The following SSBP1 variants were observed in gnomAD, a reference collection of about 807,000 sequenced individuals.
The protein encoded by SSBP1 is single stranded DNA binding protein 1.
Under a neutral mutation model 27.0 loss-of-function variants are expected in SSBP1, and 20 were observed. The observed-to-expected ratio is 0.74, with a 90% CI of 0.52 to 1.08. The LOEUF (loss-of-function observed/expected upper bound fraction) is 1.08, where lower values mean the gene tolerates loss of function less well. Ranked by LOEUF, SSBP1 falls within the 50% of genes least tolerant of loss-of-function variation. SSBP1 has a pLI of 0.00. For missense variants in SSBP1, 137 were observed against 182.4 expected (o/e 0.75, Z 1.44); for synonymous variants, 59 against 59.3 (o/e 1.00, Z 0.02).
chr7:141,750,360 A>G lies in SSBP1; in HGVS notation c.*6A>G. On this transcript the variant is annotated 3_prime_UTR_variant, in exon 7 of 7. Transcript: ENST00000265304. ...AGACGAAAGAGAAGGAGTAGAAAGG[A>G]TGATTCTTCTTTGGCCATCATTTGG... is the stretch of plus-strand genomic sequence containing the variant. The G allele has an allele frequency of 6.3e-7, 1 of 1,597,744 alleles. No homozygotes were observed. Among genetic ancestry groups the G allele is most frequent in the South Asian group, 1.1e-5 (1 of 88,034 alleles).
intron 3 of SSBP1, among the ~76,000 whole-genome samples, chr7:141,742,779 G>C (rs572239692): frequency 6.6e-5 from 10 of 152,278 alleles, no homozygotes; most frequent in African/African-American, 9.6e-5. Context: ...CAGAACTTGG[G>C]TTTTACTTAA....
In SSBP1 at chr7:141,743,515, C is replaced by G. The variant is rs912653655; in HGVS notation, c.86-46C>G. 9 of 1,595,732 alleles carry G rather than the reference C, an allele frequency of 5.6e-6. No individual in the cohort carries two copies. The African/African-American group carries it at 1.2e-4, about 21-fold the overall frequency. On this transcript the variant is annotated intron_variant, in intron 3 of 6. Coordinates refer to ENST00000265304, the MANE Select transcript of SSBP1 (RefSeq NM_003143.3). The stretch of plus-strand genomic sequence containing the variant: ...TTTTGGGGGAAGGGGCACAACTATT[C>G]AGTCTATAGCAGGTTGTCTCATTTG...
intron 5 of SSBP1, 65 bp downstream of exon 5, chr7:141,744,054 A>G (rs1339986541): frequency 1.4e-6 from 2 of 1,439,218 alleles, no homozygotes; most frequent in Non-Finnish European, 9.5e-7. Context: ...AAGTGTTCTC[A>G]TGGCAAGGAG....
intron 3 of SSBP1, among the ~76,000 whole-genome samples, chr7:141,742,713 ACT>A (rs1799591047): frequency 6.6e-6 from 1 of 151,908 alleles, no homozygotes; most frequent in Non-Finnish European, 1.5e-5. Context: ...TTTCTTGCCA[ACT>A]CTCTTCTCTC....
chr7:141,744,378 C>A (rs1021025689), intron 5 of SSBP1, among the ~76,000 whole-genome samples: 2 of 152,180 alleles, frequency 1.3e-5, no homozygotes, highest in African/African-American at 4.8e-5. Context: ...TGTTGGCTGC[C>A]ACATGGTATT....
intron 6 of SSBP1, among the ~76,000 whole-genome samples, chr7:141,748,300 A>G (rs1204439053): frequency 6.6e-6 from 1 of 152,146 alleles, no homozygotes; most frequent in Non-Finnish European, 1.5e-5. Context: ...TTTTTTTACT[A>G]AATATCGTAG....
rs1320451586 is a variant in SSBP1 at position 141,747,383 on chromosome 7, A to ATTT, written c.403+1821_403+1823dup. Among the ~76,000 whole-genome samples the ATTT allele has an allele frequency of 2.1e-3, 195 of 94,460 alleles. 3 individuals carry two copies. Among genetic ancestry groups the ATTT allele is most frequent in the South Asian group, 0.012 (30 of 2,480 alleles). The allele number at this position is 94,460 out of a possible 152,430, so 62.0% of individuals were successfully genotyped here. A position where few individuals can be genotyped will look rare whatever the true frequency, so the allele number is the denominator to read the frequency against. On this transcript the variant is annotated intron_variant, in intron 6 of 6. Coordinates refer to ENST00000265304, the MANE Select transcript of SSBP1 (RefSeq NM_003143.3). ...AACTTCTGAGATATGCCCAAATTAG[A>ATTT]TTTTTTTTTTTTTTTTTTTTTTTTG...
chr7:141,748,707 T>C (rs560166933), intron 6 of SSBP1, among the ~76,000 whole-genome samples: 48 of 152,342 alleles, frequency 3.2e-4, no homozygotes, highest in African/African-American at 1.0e-3. Context: ...CAGTTTACTT[T>C]AGGTTTATGT....
At chr7:141,745,453 T>A in intron 5 of SSBP1, 43 bp from the exon 6 acceptor site, 1 of 1,521,506 alleles carries the variant, frequency 6.6e-7, no homozygotes, top group Non-Finnish European at 8.9e-7. Context: ...TTATAAAGCA[T>A]ATTAAGATCT....
At position 141,742,115 on chromosome 7, in the gene SSBP1, G is replaced by A. The variant is rs1799558729; in HGVS notation, c.25-54G>A. 4 of 1,326,414 alleles carry A rather than the reference G, an allele frequency of 3.0e-6. No individual in the cohort carries two copies. In the East Asian group the frequency reaches 7.0e-5, roughly 23 times the overall value. The allele number at this position is 1,326,414 out of a possible 1,614,324, so 82.2% of individuals were successfully genotyped here. A position where few individuals can be genotyped will look rare whatever the true frequency, so the allele number is the denominator to read the frequency against. On this transcript the variant is annotated intron_variant, in intron 2 of 6. Coordinates refer to ENST00000265304, the MANE Select transcript of SSBP1 (RefSeq NM_003143.3). ...ATGAACGTGAGTAATTCTTCTGTTT[G>A]CATTTGCCTTTCCTAAAAAATTAAA...
Position 141,742,102 on chromosome 7 carries a change from A to T in SSBP1, c.25-67A>T, listed in dbSNP as rs187707336. 6,828 of 1,187,704 alleles carry T rather than the reference A, an allele frequency of 5.7e-3. 29 individuals are homozygous for T. The highest frequency in any genetic ancestry group is 0.022 in the Middle Eastern group (99 of 4,564). 73.6% of individuals were successfully genotyped at this position (1,187,704 alleles called of 1,614,324 possible). ...GACTATATGGTGAATGAACGTGAGT[A>T]ATTCTTCTGTTTGCATTTGCCTTTC... On this transcript the variant is annotated intron_variant, in intron 2 of 6. Coordinates refer to ENST00000265304, the MANE Select transcript of SSBP1 (RefSeq NM_003143.3).
At chr7:141,746,448 CT>C (rs1799794714) in intron 6 of SSBP1, 1 of 152,344 alleles carries the variant, frequency 6.6e-6, no homozygotes, top group African/African-American at 2.4e-5. Flanking sequence ...CTCAGGTGAT[CT>C]TCCCACCTCA....
At chr7:141,741,509 C>A (rs1799531155) in intron 2 of SSBP1, 1 of 152,168 alleles carries the variant, frequency 6.6e-6, no homozygotes, top group Admixed American at 6.5e-5. Flanking sequence ...TTGATCATTG[C>A]ATATGTTATT....
At chr7:141,742,056 C>T (rs1000362119) in intron 2 of SSBP1, 113 bp from the exon 3 acceptor site, 1 of 793,554 alleles carries the variant, frequency 1.3e-6, no homozygotes, top group Non-Finnish European at 2.0e-6. Context: ...CTCTTCTCTT[C>T]TGGAATTTTC....
rs1188688544 is a variant in SSBP1 at position 141,742,373 on chromosome 7, A to G, written c.85+144A>G. The G allele has an allele frequency of 1.6e-5, 10 of 612,552 alleles. No homozygotes were observed. The East Asian group carries it at 2.8e-4, about 17-fold the overall frequency. The allele number at this position is 612,552 out of a possible 1,614,324, so 37.9% of individuals were successfully genotyped here. Reference sequence around the variant, plus strand: ...GTTTGCTCTTCAGATCTTAGCCTTGACACATCAGGCTGTGGAGACATAGTA... The same window carrying G: ...GTTTGCTCTTCAGATCTTAGCCTTGGCACATCAGGCTGTGGAGACATAGTA... On this transcript the variant is annotated intron_variant, in intron 3 of 6. Transcript: ENST00000265304.
At chr7:141,739,261 C>A in intron 2 of SSBP1, 71 bp downstream of exon 2, 2 of 1,324,374 alleles carry the variant, frequency 1.5e-6, no homozygotes, top group South Asian at 1.5e-5. Flanking sequence ...CTTCTTTAGG[C>A]TTTTAACTAC....
chr7:141,742,232 A>G lies in SSBP1; in HGVS notation c.85+3A>G. 6.3e-7 allele frequency: 1 copy of G among 1,597,586 alleles called. No homozygotes were observed. Among genetic ancestry groups the G allele is most frequent in the African/African-American group, 1.3e-5 (1 of 74,884 alleles). On this transcript the variant is annotated splice_donor_region_variant and intron_variant, in intron 3 of 6. Coordinates refer to ENST00000265304, the MANE Select transcript of SSBP1 (RefSeq NM_003143.3). Reference sequence around the variant, plus strand: ...TACCAGTTTGGTTCTTGAAAGATGTAAGTAGCTAATTTCCAAGTTTAAAAT... The same window carrying G: ...TACCAGTTTGGTTCTTGAAAGATGTGAGTAGCTAATTTCCAAGTTTAAAAT...
intron 2 of SSBP1, chr7:141,739,466 A>G (rs543681412): frequency 3.0e-6 from 1 of 328,682 alleles, no homozygotes; most frequent in South Asian, 1.4e-4. Context: ...AGGACATTAA[A>G]GGTCTTTAGT....
chr7:141,745,634 T>C (rs1278807067), intron 6 of SSBP1, 50 bp downstream of exon 6: 4 of 1,608,126 alleles, frequency 2.5e-6, no homozygotes, highest in Non-Finnish European at 8.5e-7. Flanking sequence ...CCTTTTCTTT[T>C]TTAAAAGCTT....
Sources: allele counts gnomAD v4.1 joint callset (sites outside exome capture counted in the v4.1 genomes callset), GRCh38; gene constraint gnomAD v4.1.1; transcripts MANE v1.5; gene names NCBI Gene and HGNC (gene_info 2026-07-23, HGNC 2026-07-21).